The following BRINP3 variants were observed in gnomAD, a reference collection of about 807,000 sequenced individuals.
BRINP3 encodes BMP/retinoic acid inducible neural specific 3.
BRINP3 carries 19 observed loss-of-function variants against 71.0 expected under a neutral mutation model. That is an observed-to-expected ratio of 0.27 (90% CI 0.19 to 0.39). The LOEUF is 0.39. Ranked by LOEUF, BRINP3 falls within the 10% of genes least tolerant of loss-of-function variation. The probability of loss-of-function intolerance (pLI) is 1.00; values close to 1 mark genes in which losing one functional copy is unlikely to be tolerated. For missense variants in BRINP3, 959 were observed against 940.8 expected, an observed-to-expected ratio of 1.02 and a Z score of -0.25; for synonymous variants, 380 against 337.7, an observed-to-expected ratio of 1.13 and a Z score of -1.37.
At chr1:190,301,200 C>CATATATATAT in intron 2 of BRINP3, among the ~76,000 whole-genome samples, 1 of 87,804 alleles carries the variant, frequency 1.1e-5, no homozygotes, top group South Asian at 4.2e-4. Context: ...TATATATACA[C>CATATATATAT]ATACATATAT....
In BRINP3 at chr1:190,247,822, T is replaced by C. The variant is rs142051719; in HGVS notation, c.619-13345A>G. Among the ~76,000 whole-genome samples the C allele has an allele frequency of 2.0e-5, 3 of 152,060 alleles. No homozygotes were observed. In the East Asian group the frequency reaches 5.8e-4, roughly 29 times the overall value. ...ATTCCATGTTGGCGCGACATGATTC[T>C]ACGGATTTTTAAAAAATAAATTACC... is the stretch of plus-strand genomic sequence containing the variant. On this transcript the variant is annotated intron_variant, in intron 4 of 7. Transcript: ENST00000367462.
At chr1:190,341,432 T>A (rs1044063241) in intron 2 of BRINP3, among the ~76,000 whole-genome samples, 1 of 151,854 alleles carries the variant, frequency 6.6e-6, no homozygotes, top group African/African-American at 2.4e-5. Context: ...AAAATGTACT[T>A]TTCTTTCAGT....
In BRINP3 at chr1:190,475,046, G is replaced by C. The variant is rs182335247; in HGVS notation, c.-51+2402C>G. Among the ~76,000 whole-genome samples, 18 of 151,742 alleles carry C rather than the reference G, an allele frequency of 1.2e-4. No homozygotes were observed. In the East Asian group the frequency reaches 2.7e-3, roughly 23 times the overall value. ...TTTTAACTTCAACCTTATATTCCAA[G>C]CTCTAGCTTCAAGTTGAAATCTAAC... On this transcript the variant is annotated intron_variant, in intron 1 of 7. Coordinates refer to ENST00000367462, the MANE Select transcript of BRINP3 (RefSeq NM_199051.3).
At chr1:190,252,225 A>C (rs1244009773) in intron 4 of BRINP3, among the ~76,000 whole-genome samples, 1 of 152,040 alleles carries the variant, frequency 6.6e-6, no homozygotes, top group Non-Finnish European at 1.5e-5. Context: ...AGCATTTCAA[A>C]ATGAGAGAGA....
chr1:190,164,259 C>G (rs147419267), intron 6 of BRINP3, among the ~76,000 whole-genome samples: 73 of 152,150 alleles, frequency 4.8e-4, no homozygotes, highest in African/African-American at 1.7e-3. Context: ...CTAAAGCATT[C>G]TAAGTTTTCT....
chr1:190,440,950 G>A (rs1030771287), intron 2 of BRINP3, among the ~76,000 whole-genome samples: 32 of 151,642 alleles, frequency 2.1e-4, no homozygotes, highest in Admixed American at 1.2e-3. Flanking sequence ...GAAAAGGAGG[G>A]TCCTAGATTG....
At chr1:190,111,424 A>C (rs2102282973) in intron 7 of BRINP3, among the ~76,000 whole-genome samples, 1 of 152,170 alleles carries the variant, frequency 6.6e-6, no homozygotes, top group South Asian at 2.1e-4. Flanking sequence ...GTAATTATGT[A>C]ATTTAAGAGT....
chr1:190,374,133 T>C (rs1471318367), intron 2 of BRINP3, among the ~76,000 whole-genome samples: 2 of 152,064 alleles, frequency 1.3e-5, no homozygotes, highest in Non-Finnish European at 2.9e-5. Context: ...TTATAATCTA[T>C]GTGAGATGTG....
At chr1:190,230,669 T>G in intron 5 of BRINP3, among the ~76,000 whole-genome samples, 1 of 151,742 alleles carries the variant, frequency 6.6e-6, no homozygotes, top group East Asian at 1.9e-4. Flanking sequence ...GTATAGTGAG[T>G]GTATAGATAT....
chr1:190,182,758 C>T (rs1653141922), intron 6 of BRINP3, among the ~76,000 whole-genome samples: 1 of 152,044 alleles, frequency 6.6e-6, no homozygotes, highest in Admixed American at 6.6e-5. Context: ...AAACCCTTAC[C>T]AGAAAGACAA....
intron 2 of BRINP3, among the ~76,000 whole-genome samples, chr1:190,311,660 G>T (rs1041527929): frequency 1.3e-5 from 2 of 151,216 alleles, no homozygotes; most frequent in Non-Finnish European, 3.0e-5. Context: ...TTTTCTGTGG[G>T]AAAGTTTATA....
chr1:190,295,170 G>A (rs1349510308), intron 2 of BRINP3, among the ~76,000 whole-genome samples: 1 of 152,040 alleles, frequency 6.6e-6, no homozygotes, highest in Non-Finnish European at 1.5e-5. Flanking sequence ...CTGAGGCTAC[G>A]TTAGGCAGCC....
At chr1:190,108,075 T>G (rs1652340385) in intron 7 of BRINP3, among the ~76,000 whole-genome samples, 1 of 150,256 alleles carries the variant, frequency 6.7e-6, no homozygotes, top group African/African-American at 2.5e-5. Flanking sequence ...TGTCAGAAAC[T>G]GGGCCATTAA....
rs142434101 is a variant in BRINP3, at chr1:190,466,953, TA to T, written c.-51+10494del. Among the ~76,000 whole-genome samples the T allele has an allele frequency of 6.2e-3, 938 of 151,604 alleles. 7 individuals carry two copies. The highest frequency in any genetic ancestry group is 0.011 in the Admixed American group (173 of 15,176). On this transcript the variant is annotated intron_variant, in intron 1 of 7. Coordinates refer to ENST00000367462, the MANE Select transcript of BRINP3 (RefSeq NM_199051.3). ...AAAAGAAGCCAACATATTTTGGAGA[TA>T]AAAAAACACAACGAACACAACAACA...
At chr1:190,274,249 CT>C (rs34823954) in intron 3 of BRINP3, among the ~76,000 whole-genome samples, 21 of 147,398 alleles carry the variant, frequency 1.4e-4, no homozygotes, top group South Asian at 6.4e-4. Context: ...AAATTTGTGT[CT>C]TTTTTTTTTA....
chr1:190,474,727 G>A (rs1322072124), intron 1 of BRINP3: 4 of 152,124 alleles, frequency 2.6e-5, no homozygotes, highest in African/African-American at 7.2e-5. Context: ...CTAAAGGGCT[G>A]ATCACGTTCT....
chr1:190,117,127 T>C (rs940510747), intron 7 of BRINP3, among the ~76,000 whole-genome samples: 6 of 152,050 alleles, frequency 3.9e-5, no homozygotes, highest in African/African-American at 1.4e-4. Context: ...TTGTTTCTTG[T>C]TAGAGAGAAT....
At chr1:190,327,642 A>C (rs1666703155) in intron 2 of BRINP3, among the ~76,000 whole-genome samples, 1 of 152,172 alleles carries the variant, frequency 6.6e-6, no homozygotes, top group African/African-American at 2.4e-5. Flanking sequence ...TGGAGCACAG[A>C]AATTTATAAA....
intron 2 of BRINP3, among the ~76,000 whole-genome samples, chr1:190,413,021 CTCTT>C (rs1672791956): frequency 6.6e-6 from 1 of 152,052 alleles, no homozygotes; most frequent in Non-Finnish European, 1.5e-5. Context: ...TTTTAAAAAT[CTCTT>C]TATGTCAGCA....
Sources: allele counts gnomAD v4.1 joint callset (sites outside exome capture counted in the v4.1 genomes callset), GRCh38; gene constraint gnomAD v4.1.1; transcripts MANE v1.5; gene names NCBI Gene and HGNC (gene_info 2026-07-23, HGNC 2026-07-21).